The following ACBD4 variants were observed in gnomAD, a reference collection of about 807,000 sequenced individuals.
ACBD4 encodes acyl-CoA-binding domain-containing protein 4.
Under a neutral mutation model 46.0 loss-of-function variants are expected in ACBD4, and 41 were observed. The ratio of observed to expected loss-of-function variants is 0.89; its 90% CI spans 0.69 to 1.16. ACBD4 has a LOEUF of 1.16. Ranked by LOEUF, ACBD4 falls within the 50% of genes most tolerant of loss-of-function variation. ACBD4 has a pLI of 0.00. For synonymous variants in ACBD4, 162 were observed against 155.9 expected (o/e 1.04, Z -0.29); for missense variants, 393 against 399.5 (o/e 0.98, Z 0.14).
In ACBD4 at chr17:45,139,020, G is replaced by T. The variant is rs767951857; in HGVS notation, c.650-1G>T. 3.1e-6 allele frequency: 5 copies of T among 1,612,856 alleles called. No homozygotes were observed. The East Asian group carries it at 1.1e-4, about 36-fold the overall frequency. On this transcript the variant is annotated splice_acceptor_variant, in intron 8 of 9. Transcript: ENST00000321854. LOFTEE classifies it high-confidence loss of function. ...CTTCCCTGTGTGTCTGTGCTCCGCA[G>T]AGGGGTTGCGGGGCAGCCCGCCGGG...
chr17:45,136,474 C>A, intron 2 of ACBD4, 26 bp from the exon 3 acceptor site: 1 of 1,603,774 alleles, frequency 6.2e-7, no homozygotes, highest in Non-Finnish European at 8.5e-7. Flanking sequence ...TGATGCTTTG[C>A]CCTGGCTTCC....
chr17:45,143,461 A>C lies in ACBD4; in HGVS notation c.808A>C (p.Ser270Arg). 1 of 1,611,562 alleles carries C rather than the reference A, an allele frequency of 6.2e-7. No homozygotes were observed. Among genetic ancestry groups the C allele is most frequent in the East Asian group, 2.2e-5 (1 of 44,868 alleles). ...PPEQRPQPRP[S>R]ARPWPLGLPG... is the part of the protein sequence containing the mutation. ...GCTGCAGAGGCCGCAGCCCAGGCCC[A>C]GTGCTCGGCCATGGCCCCTTGGGCT... Residue 270 changes from serine (S) to arginine (R), a missense_variant, in exon 10 of 10, where the codon AGT becomes CGT. Physicochemically the swap from Ser to Arg is moderately radical, Grantham distance 110. Coordinates refer to ENST00000321854, the MANE Select transcript of ACBD4 (RefSeq NM_001135705.3).
chr17:45,136,052 C>T (rs574483257), intron 1 of ACBD4, 56 bp from the exon 2 acceptor site: 143 of 1,343,836 alleles, frequency 1.1e-4, no homozygotes, highest in Non-Finnish European at 1.3e-4. Flanking sequence ...GAATCCTTGG[C>T]TTATGGTGCC....
chr17:45,138,035 T>C, intron 8 of ACBD4, 47 bp downstream of exon 8: 9 of 1,561,660 alleles, frequency 5.8e-6, no homozygotes, highest in Non-Finnish European at 7.9e-6. Context: ...TTTCCCGTGG[T>C]CCTGGCACCC....
At chr17:45,136,364 C>A in intron 2 of ACBD4, 132 bp downstream of exon 2, 2 of 1,461,770 alleles carry the variant, frequency 1.4e-6, no homozygotes, top group African/African-American at 1.4e-5. Context: ...GGGTTCCCTC[C>A]GCTTCCTATC....
At chr17:45,135,154 T>C (rs6503424), upstream of ACBD4, among the ~76,000 whole-genome samples, 132,407 of 151,958 alleles carry the variant, frequency 0.87, 57,857 homozygotes, top group East Asian at 0.96. Context: ...TTAGTAGAGA[T>C]GGGGTTTCAC....
At chr17:45,136,884 C>A in intron 4 of ACBD4, 108 bp downstream of exon 4, 1 of 1,578,962 alleles carries the variant, frequency 6.3e-7, no homozygotes, top group Non-Finnish European at 8.7e-7. Context: ...ATGGGAATCA[C>A]CACCTTCATG....
At chr17:45,132,532 G>C, upstream of ACBD4, 1 of 338,282 alleles carries the variant, frequency 3.0e-6, no homozygotes, top group Non-Finnish European at 4.8e-6. The surrounding 1 kb of genome is among the most constrained non-coding windows in gnomAD (Gnocchi z 4.6). Flanking sequence ...AGCGGCGCGG[G>C]AGGGAGTCGG....
chr17:45,140,890 G>A (rs1258541136), intron 9 of ACBD4, among the ~76,000 whole-genome samples: 1 of 152,182 alleles, frequency 6.6e-6, no homozygotes, highest in Non-Finnish European at 1.5e-5. Context: ...GCAGGCACCT[G>A]TAATCCCAGC....
In ACBD4 at chr17:45,136,555, G is replaced by A. The variant is rs778691797; in HGVS notation, c.144G>A (p.Gln48=). The stretch of plus-strand genomic sequence containing the variant: ...TGCGATTCTACAGTTACTACAAGCA[G>A]GCCACCATGGGGCCCTGCCTGGTCC... The part of the protein sequence containing the change: ...EMLRFYSYYK[Q]ATMGPCLVPR... The change falls in exon 3 of 10, where the codon CAG becomes CAA. Residue 48 remains glutamine, a synonymous_variant. Coordinates refer to ENST00000321854, the MANE Select transcript of ACBD4 (RefSeq NM_001135705.3). 3 of 1,613,916 alleles carry A rather than the reference G, an allele frequency of 1.9e-6. No homozygotes were observed. Among genetic ancestry groups the A allele is most frequent in the Non-Finnish European group, 2.5e-6 (3 of 1,179,998 alleles).
rs554390081 is a variant in ACBD4 at position 45,143,709 on chromosome 17, C to CG, written c.*144dup. 2.4e-5 allele frequency: 35 copies of CG among 1,448,776 alleles called. No individual in the cohort carries two copies. The highest frequency in any genetic ancestry group is 2.4e-4 in the African/African-American group (17 of 71,114). The allele number at this position is 1,448,776 out of a possible 1,614,324, so 89.7% of individuals were successfully genotyped here. A position where few individuals can be genotyped will look rare whatever the true frequency, so the allele number is the denominator to read the frequency against. ...TCGCACCTCCTCCCCTAAAGCAGCGCGGGGGGCAAATAAGACCCCACCCCT... is the reference window on the plus strand; with the variant it reads ...TCGCACCTCCTCCCCTAAAGCAGCGCGGGGGGGCAAATAAGACCCCACCCCT... On this transcript the variant is annotated 3_prime_UTR_variant, in exon 10 of 10. Transcript: ENST00000321854.
At chr17:45,140,717 A>C (rs1400869005) in intron 9 of ACBD4, among the ~76,000 whole-genome samples, 1 of 150,986 alleles carries the variant, frequency 6.6e-6, no homozygotes, top group Non-Finnish European at 1.5e-5. Context: ...AGTTGGGTTC[A>C]TATTCTCAAA....
intron 6 of ACBD4, 96 bp downstream of exon 6, chr17:45,137,550 G>A: frequency 6.9e-7 from 1 of 1,447,814 alleles, no homozygotes; most frequent in Non-Finnish European, 9.6e-7. Context: ...CACAGACACT[G>A]AGACTTCCTG....
Position 45,137,122 on chromosome 17 carries a change from T to C in ACBD4, c.398T>C (p.Phe133Ser), listed in dbSNP as rs746404320. Reference protein sequence around the residue: ...IPDMPRPPETFLRRVTGWKEQ... With the variant: ...IPDMPRPPETSLRRVTGWKEQ... ...GACATGCCGAGGCCCCCAGAGACCT[T>C]CCTGAGAAGGGTCACAGGTCAGACT... The change falls in exon 5 of 10, where the codon TTC becomes TCC. Residue 133 changes from phenylalanine (F) to serine (S), a missense_variant. Transcript: ENST00000321854. 3.1e-6 allele frequency: 5 copies of C among 1,614,072 alleles called. No individual in the cohort carries two copies. The East Asian group carries it at 8.9e-5, about 29-fold the overall frequency.
upstream of ACBD4, among the ~76,000 whole-genome samples, chr17:45,134,677 T>G (rs2054683491): frequency 1.3e-5 from 2 of 151,850 alleles, no homozygotes; most frequent in African/African-American, 4.8e-5. Flanking sequence ...CTCGGGAGGC[T>G]GAGGCAGGAG....
Position 45,135,870 on chromosome 17 carries a change from T to C in ACBD4, c.-121T>C. On this transcript the variant is annotated 5_prime_UTR_variant, in exon 1 of 10. Coordinates refer to ENST00000321854, the MANE Select transcript of ACBD4 (RefSeq NM_001135705.3). ...GAGATGTGCACCTAAAGGAGGCGCA[T>C]CTGGGGACGGACACATCTGGCACTG... is the stretch of plus-strand genomic sequence containing the variant. The C allele has an allele frequency of 2.4e-6, 1 of 421,804 alleles. No individual in the cohort carries two copies. Among genetic ancestry groups the C allele is most frequent in the Non-Finnish European group, 4.4e-6 (1 of 229,030 alleles). 26.1% of individuals were successfully genotyped at this position (421,804 alleles called of 1,614,324 possible).
upstream of ACBD4, chr17:45,135,665 G>T (rs1204731932): frequency 6.4e-6 from 1 of 156,022 alleles, no homozygotes; most frequent in Non-Finnish European, 1.4e-5. Context: ...TCGCCATCCC[G>T]GCCCTGCTGG....
chr17:45,137,928 C>T lies in ACBD4; in HGVS notation c.589C>T (p.Arg197Trp), dbSNP rs546766187. 7.1e-5 allele frequency: 114 copies of T among 1,613,916 alleles called. No homozygotes were observed. In the East Asian group the frequency reaches 1.9e-3, roughly 27 times the overall value. Residue 197 changes from arginine (R) to tryptophan (W), a missense_variant, in exon 8 of 10, where the codon CGG (arginine) becomes TGG (tryptophan). Arg to Trp is a moderately radical substitution (Grantham distance 101). Transcript: ENST00000321854. ...ATCTCAGCAGGTTTGGACAGAGCAG[C>T]GGGCAGCATCTGGAGGAAAGCGTGA... ...LEPELVWTEQ[R>W]AASGGKRDPR...
chr17:45,133,532 T>C (rs1424811497), upstream of ACBD4, among the ~76,000 whole-genome samples: 226 of 125,868 alleles, frequency 1.8e-3, 1 homozygote, highest in African/African-American at 6.5e-3. Context: ...TTTTTTTTTT[T>C]TTTTTTTTTT....
Sources: gnomAD v4.1 joint callset for allele counts (sites outside exome capture counted in the v4.1 genomes callset) on GRCh38, gnomAD v4.1.1 for gene constraint, Gnocchi (gnomAD v3.1) non-coding constraint, MANE v1.5 for transcripts, NCBI Gene and HGNC (gene_info 2026-07-23, HGNC 2026-07-21) for gene names.